Variants in CEP120 observed in about 807,000 individuals in gnomAD.
CEP120 encodes centrosomal protein of 120 kDa.
Under a neutral mutation model 126.5 loss-of-function variants are expected in CEP120, and 113 were observed. That is an observed-to-expected ratio of 0.89 (90% CI 0.77 to 1.04). The LOEUF (loss-of-function observed/expected upper bound fraction) is 1.04. Among genes scored for constraint, CEP120 ranks in the 50% least tolerant of loss-of-function variants. The pLI is 0.00. For missense variants in CEP120, 1,230 were observed against 1,155.7 expected (o/e 1.06, Z -0.93); for synonymous variants, 400 against 394.3 (o/e 1.01, Z -0.17).
intron 16 of CEP120, among the ~76,000 whole-genome samples, chr5:123,375,975 ATT>A (rs1251037710): frequency 6.6e-6 from 1 of 150,636 alleles, no homozygotes; most frequent in East Asian, 1.9e-4. Flanking sequence ...GATAAGCTTA[ATT>A]TTTAACAGCT....
At position 123,423,099 on chromosome 5, in the gene CEP120, CCCCCGGTCCCTGATG is replaced by C. The variant is rs1421364965; in HGVS notation, c.-116_-102del. 1.0e-6 allele frequency: 1 copy of C among 978,918 alleles called. No homozygotes were observed. Among genetic ancestry groups the C allele is most frequent in the East Asian group, 2.4e-5 (1 of 41,196 alleles). 60.6% of individuals were successfully genotyped at this position (978,918 alleles called of 1,614,324 possible). A position where few individuals can be genotyped will look rare whatever the true frequency, so the allele number is the denominator to read the frequency against. ...CCCCCGGCGGGACCCCCACTGCCCG[CCCCCGGTCCCTGATG>C]CCCGGACCCCGCTCCGCAGCCAGGT... On this transcript the variant is annotated 5_prime_UTR_variant, in exon 1 of 20. Transcript: ENST00000306467.
chr5:123,378,219 C>T, intron 15 of CEP120, 117 bp downstream of exon 15: 1 of 646,770 alleles, frequency 1.5e-6, no homozygotes, highest in Non-Finnish European at 2.6e-6. Context: ...TTATAAGCAG[C>T]CCATCCTGAG....
chr5:123,372,890 G>A, intron 16 of CEP120, 118 bp from the exon 17 acceptor site: 5 of 748,228 alleles, frequency 6.7e-6, no homozygotes, highest in African/African-American at 1.8e-5. Context: ...TAGAAAATCT[G>A]GAAAACTGAT....
At chr5:123,366,600 T>A (rs1428392) in intron 17 of CEP120, among the ~76,000 whole-genome samples, 1 of 151,680 alleles carries the variant, frequency 6.6e-6, no homozygotes, top group Admixed American at 6.6e-5. Flanking sequence ...CTCTACATTT[T>A]TCTCTTGAAA....
At chr5:123,367,464 T>G (rs1437281629) in intron 17 of CEP120, among the ~76,000 whole-genome samples, 1 of 151,806 alleles carries the variant, frequency 6.6e-6, no homozygotes, top group African/African-American at 2.4e-5. Context: ...AAATCCAAAG[T>G]GTTCCAAAAT....
chr5:123,421,357 A>G (rs1383751028), intron 1 of CEP120, among the ~76,000 whole-genome samples: 1 of 152,148 alleles, frequency 6.6e-6, no homozygotes, highest in Non-Finnish European at 1.5e-5. Flanking sequence ...TAACCTTTTG[A>G]GTTTAAGCCT....
At chr5:123,380,724 C>G (rs911596910) in intron 14 of CEP120, among the ~76,000 whole-genome samples, 2 of 151,966 alleles carry the variant, frequency 1.3e-5, no homozygotes, top group African/African-American at 4.8e-5. Context: ...AGAAATGATT[C>G]AAGGATAAAC....
chr5:123,402,923 C>G (rs1288837794), intron 4 of CEP120, among the ~76,000 whole-genome samples: 1 of 152,202 alleles, frequency 6.6e-6, no homozygotes, highest in Non-Finnish European at 1.5e-5. Context: ...GAGTTCCTCT[C>G]TTGCTCTTCA....
chr5:123,366,228 A>C (rs1770448673), intron 17 of CEP120, among the ~76,000 whole-genome samples: 1 of 151,812 alleles, frequency 6.6e-6, no homozygotes, highest in South Asian at 2.1e-4. Flanking sequence ...GAAAAAATAT[A>C]CACAACTAAA....
intron 18 of CEP120, among the ~76,000 whole-genome samples, chr5:123,362,351 A>G (rs928752245): frequency 6.6e-6 from 1 of 151,700 alleles, no homozygotes; most frequent in Non-Finnish European, 1.5e-5. Flanking sequence ...CTTGACTTCA[A>G]TGGACTAAGA....
At chr5:123,399,497 A>C (rs913806929) in intron 4 of CEP120, among the ~76,000 whole-genome samples, 1 of 152,252 alleles carries the variant, frequency 6.6e-6, no homozygotes, top group African/African-American at 2.4e-5. Context: ...ATTCTGGAGT[A>C]ACATTTTTAA....
chr5:123,410,153 G>A (rs1580734563), intron 4 of CEP120, among the ~76,000 whole-genome samples: 1 of 151,972 alleles, frequency 6.6e-6, no homozygotes, highest in Admixed American at 6.6e-5. Flanking sequence ...AACAAAATAT[G>A]TAAGATCTAT....
chr5:123,378,756 T>G (rs570606211), intron 14 of CEP120, among the ~76,000 whole-genome samples: 1 of 152,216 alleles, frequency 6.6e-6, no homozygotes, highest in South Asian at 2.1e-4. Flanking sequence ...CTGCTAAATT[T>G]GAAACGCATA....
At chr5:123,415,898 A>T in intron 3 of CEP120, 112 bp downstream of exon 3, 1 of 633,310 alleles carries the variant, frequency 1.6e-6, no homozygotes, top group Non-Finnish European at 2.7e-6. Flanking sequence ...TATTGGCTCA[A>T]GTCTATGACT....
rs753847500 is a variant in CEP120 at position 123,423,014 on chromosome 5, T to G, written c.-16A>C. On this transcript the variant is annotated 5_prime_UTR_variant, in exon 1 of 20. Transcript: ENST00000306467. ...TGGAGACCATGGTTGCGGTGAGCGG[T>G]CCGGGGGCGAAGGCGGCTGGGGGGA... 2.4e-5 allele frequency: 39 copies of G among 1,613,346 alleles called. No individual in the cohort carries two copies. The East Asian group carries it at 8.7e-4, about 36-fold the overall frequency.
rs1194052004 is a variant in CEP120, at chr5:123,346,607, G to A, written c.2873C>T (p.Thr958Met). The A allele has an allele frequency of 5.0e-6, 8 of 1,613,740 alleles. No homozygotes were observed. The Admixed American group carries it at 8.3e-5, about 17-fold the overall frequency. ...TCGATCCTCGTGATTATACACACCCGTTCTCATCAAAGTATCCCTTTCTTC... is the reference window on the plus strand; with the variant it reads ...TCGATCCTCGTGATTATACACACCCATTCTCATCAAAGTATCCCTTTCTTC... The part of the protein sequence containing the change: ...LIEERDTLMR[T>M]GVYNHEDRII... The change falls in exon 20 of 20, where the codon ACG becomes ATG. Residue 958 changes from threonine (T) to methionine (M), a missense_variant. By Grantham distance (81) the Thr-to-Met change is moderately conservative. Coordinates refer to ENST00000306467, the MANE Select transcript of CEP120 (RefSeq NM_001375405.1).
chr5:123,366,699 T>G (rs1435777949), intron 17 of CEP120, among the ~76,000 whole-genome samples: 2 of 151,910 alleles, frequency 1.3e-5, no homozygotes. Flanking sequence ...GGTTCTTTTG[T>G]CTCTCCAGCC....
chr5:123,411,122 CAAT>C (rs1428228588), intron 4 of CEP120, among the ~76,000 whole-genome samples: 2 of 152,132 alleles, frequency 1.3e-5, no homozygotes, highest in African/African-American at 4.8e-5. Context: ...ATTAAAACAA[CAAT>C]GAGATACTAT....
In CEP120 at chr5:123,423,325, C is replaced by T. The variant is rs1774848049; in HGVS notation, c.-327G>A. The T allele has an allele frequency of 2.8e-6, 1 of 360,712 alleles. No homozygotes were observed. The highest frequency in any genetic ancestry group is 5.1e-6 in the Non-Finnish European group (1 of 197,720). 22.3% of individuals were successfully genotyped at this position (360,712 alleles called of 1,614,324 possible). On this transcript the variant is annotated 5_prime_UTR_variant, in exon 1 of 20. Transcript: ENST00000306467. ...CGCTTTTCAAACGCCCGGGCGGCCG[C>T]AGCGGCCGCCGCCGCGCCCAGCTTC...
Sources: allele counts gnomAD v4.1 joint callset (sites outside exome capture counted in the v4.1 genomes callset), GRCh38; gene constraint gnomAD v4.1.1; transcripts MANE v1.5; gene names NCBI Gene and HGNC (gene_info 2026-07-23, HGNC 2026-07-21).